The following GPR83 variants were observed in gnomAD, a reference collection of about 807,000 sequenced individuals.
GPR83 encodes the protein G-protein coupled receptor 72.
GPR83 carries 23 observed loss-of-function variants against 28.0 expected under a neutral mutation model. The observed-to-expected ratio is 0.82, with a 90% CI of 0.59 to 1.16. The LOEUF (loss-of-function observed/expected upper bound fraction) is 1.16. GPR83 is among the 50% of genes most tolerant of loss of function. GPR83 has a pLI of 0.00. For synonymous variants in GPR83, 234 were observed against 215.4 expected (o/e 1.09, Z -0.76); for missense variants, 610 against 536.6 (o/e 1.14, Z -1.35).
intron 3 of GPR83, among the ~76,000 whole-genome samples, chr11:94,391,094 C>A (rs1021501919): frequency 9.2e-5 from 14 of 152,168 alleles, no homozygotes; most frequent in Admixed American, 9.2e-4. Context: ...CTACAGTAAC[C>A]AAAACAGCAT....
chr11:94,400,936 C>A lies in GPR83; in HGVS notation c.312G>T (p.Ser104=), dbSNP rs1591610484. The change falls in exon 1 of 4, where the codon TCG becomes TCT. Residue 104 remains serine (S), a synonymous_variant. Coordinates refer to ENST00000243673, the MANE Select transcript of GPR83 (RefSeq NM_016540.4). ...GGTTGACGATGAAGAGGCTGGTGGC[C>A]GAGTGCATTCGCTGGTTCTTGAAGA... ...HVIFKNQRMH[S]ATSLFIVNLA... is the part of the protein sequence containing the mutation. The A allele has an allele frequency of 6.2e-7, 1 of 1,613,980 alleles. No homozygotes were observed. The highest frequency in any genetic ancestry group is 8.5e-7 in the Non-Finnish European group (1 of 1,179,866).
At chr11:94,389,353 A>T (rs1178778135) in intron 3 of GPR83, among the ~76,000 whole-genome samples, 4 of 152,250 alleles carry the variant, frequency 2.6e-5, no homozygotes, top group African/African-American at 9.6e-5. Context: ...GAGCTTCTGC[A>T]GAGCAAAAGA....
chr11:94,386,731 G>A (rs994889563), intron 3 of GPR83, among the ~76,000 whole-genome samples: 1 of 152,204 alleles, frequency 6.6e-6, no homozygotes, highest in African/African-American at 2.4e-5. Context: ...AATAATGGGA[G>A]ACTTTAACAC....
At chr11:94,396,634 T>C (rs1219769412) in intron 1 of GPR83, 110 bp from the exon 2 acceptor site, 3 of 1,048,362 alleles carry the variant, frequency 2.9e-6, no homozygotes, top group Non-Finnish European at 4.3e-6. Context: ...AGCTCCTCCC[T>C]TCTTTCTGTC....
intron 3 of GPR83, among the ~76,000 whole-genome samples, chr11:94,384,165 G>A (rs778025855): frequency 6.6e-6 from 1 of 152,136 alleles, no homozygotes; most frequent in Non-Finnish European, 1.5e-5. Context: ...TCCCTGGGAT[G>A]CAAGGCTGGT....
intron 3 of GPR83, among the ~76,000 whole-genome samples, chr11:94,386,884 G>T (rs1451025112): frequency 1.3e-5 from 2 of 152,138 alleles, no homozygotes; most frequent in Non-Finnish European, 2.9e-5. Context: ...ATTCTTCTCA[G>T]CACCACAGTG....
At chr11:94,392,659 T>C (rs1036464765) in intron 3 of GPR83, among the ~76,000 whole-genome samples, 2 of 152,060 alleles carry the variant, frequency 1.3e-5, no homozygotes, top group Non-Finnish European at 2.9e-5. Flanking sequence ...ACCCCATTTC[T>C]ACTAAAAATA....
Position 94,380,292 on chromosome 11 carries a change from G to T in GPR83, c.1129C>A (p.Pro377Thr). 6.3e-7 allele frequency: 1 copy of T among 1,596,960 alleles called. No individual in the cohort carries two copies. The highest frequency in any genetic ancestry group is 1.7e-5 in the Admixed American group (1 of 59,146). ...CAGGCCACCCTGAAGGAAGGAACTG[G>T]GGAGGGTGGCCTGTCCTCCTGAGGC... ...PKPQEDRPPS[P>T]VPSFRVAWTE... Residue 377 changes from proline to threonine, a missense_variant, in exon 4 of 4, where the codon CCA becomes ACA. Pro to Thr is a conservative substitution (Grantham distance 38). Transcript: ENST00000243673.
chr11:94,381,955 C>T (rs75556124), intron 3 of GPR83, among the ~76,000 whole-genome samples: 11,921 of 152,202 alleles, frequency 0.078, 578 homozygotes, highest in South Asian at 0.18. Context: ...TGTCCAGCCT[C>T]TGCCACTCTC....
intron 2 of GPR83, among the ~76,000 whole-genome samples, chr11:94,395,363 A>G (rs1313712305): frequency 2.6e-5 from 4 of 152,212 alleles, no homozygotes; most frequent in Non-Finnish European, 5.9e-5. Context: ...GCTACTCAGA[A>G]TAAATCTCAT....
At position 94,378,012 on chromosome 11, in the gene GPR83, T is replaced by G. The variant is rs1372778728; in HGVS notation, c.*2137A>C. 1.3e-5 allele frequency: 2 copies of G among 152,268 alleles called. No homozygotes were observed. The highest frequency in any genetic ancestry group is 2.1e-4 in the South Asian group (1 of 4,820). 9.4% of individuals were successfully genotyped at this position (152,268 alleles called of 1,614,324 possible). A position where few individuals can be genotyped will look rare whatever the true frequency, so the allele number is the denominator to read the frequency against. Reference sequence around the variant, plus strand: ...GGTTCACAGAATTTCTATGGCAGCTTTCAGATGAAACCATTAGCTACTTCT... The same window carrying G: ...GGTTCACAGAATTTCTATGGCAGCTGTCAGATGAAACCATTAGCTACTTCT... On this transcript the variant is annotated 3_prime_UTR_variant, in exon 4 of 4. Transcript: ENST00000243673.
At chr11:94,392,928 A>G (rs970488223) in intron 3 of GPR83, among the ~76,000 whole-genome samples, 2 of 152,202 alleles carry the variant, frequency 1.3e-5, no homozygotes, top group South Asian at 4.1e-4. Flanking sequence ...CACCGAGATA[A>G]CAAAGAAACT....
chr11:94,399,253 T>A (rs1360519175), intron 1 of GPR83, among the ~76,000 whole-genome samples: 4 of 151,986 alleles, frequency 2.6e-5, no homozygotes, highest in African/African-American at 9.7e-5. Flanking sequence ...AGGAGGAGAG[T>A]ATTTGAAAGC....
intron 3 of GPR83, among the ~76,000 whole-genome samples, chr11:94,387,859 G>T (rs988055103): frequency 6.6e-6 from 1 of 152,130 alleles, no homozygotes; most frequent in African/African-American, 2.4e-5. Flanking sequence ...ACCAAAGCCT[G>T]GCAGAGACAC....
intron 3 of GPR83, among the ~76,000 whole-genome samples, chr11:94,386,361 A>G (rs959859958): frequency 6.6e-6 from 1 of 152,208 alleles, no homozygotes; most frequent in Non-Finnish European, 1.5e-5. Flanking sequence ...TTAACCTTAA[A>G]TGTAAATGGG....
At chr11:94,387,424 C>A (rs1024992039) in intron 3 of GPR83, among the ~76,000 whole-genome samples, 1 of 152,044 alleles carries the variant, frequency 6.6e-6, no homozygotes, top group South Asian at 2.1e-4. Flanking sequence ...AATTGATAGA[C>A]CGCTAGCAAG....
intron 2 of GPR83, among the ~76,000 whole-genome samples, chr11:94,394,129 C>A (rs1435075587): frequency 6.6e-6 from 1 of 152,152 alleles, no homozygotes; most frequent in Non-Finnish European, 1.5e-5. Context: ...GGCACCACGG[C>A]AAGGCTGGGA....
At chr11:94,383,722 T>C (rs1258303847) in intron 3 of GPR83, among the ~76,000 whole-genome samples, 1 of 152,146 alleles carries the variant, frequency 6.6e-6, no homozygotes, top group African/African-American at 2.4e-5. Flanking sequence ...ACAAATAAAC[T>C]AGAAAATCTA....
At chr11:94,392,654 A>T (rs1320547715) in intron 3 of GPR83, among the ~76,000 whole-genome samples, 1 of 151,896 alleles carries the variant, frequency 6.6e-6, no homozygotes, top group African/African-American at 2.4e-5. Flanking sequence ...GTGAAACCCC[A>T]TTTCTACTAA....
Sources: gnomAD v4.1 joint callset for allele counts (sites outside exome capture counted in the v4.1 genomes callset) on GRCh38, gnomAD v4.1.1 for gene constraint, MANE v1.5 for transcripts, NCBI Gene and HGNC (gene_info 2026-07-23, HGNC 2026-07-21) for gene names.